The following OR2L13 variants were observed in gnomAD, a reference collection of about 807,000 sequenced individuals.
OR2L13 encodes olfactory receptor family 2 subfamily L member 13.
A neutral mutation model predicts 15.3 loss-of-function variants in OR2L13; 14 were observed. The observed-to-expected ratio is 0.91, with a 90% CI of 0.60 to 1.43. OR2L13 has a LOEUF of 1.43. Among genes scored for constraint, OR2L13 ranks in the 40% most tolerant of loss-of-function variants. The probability of loss-of-function intolerance (pLI) is 0.00; values close to 1 mark genes in which losing one functional copy is unlikely to be tolerated. For synonymous variants in OR2L13, 152 were observed against 142.9 expected (o/e 1.06, Z -0.45); for missense variants, 367 against 387.9 (o/e 0.95, Z 0.45).
chr1:247,948,734 G>A, the OR2L13 span: 3 of 720,386 alleles, frequency 4.2e-6, no homozygotes, highest in Non-Finnish European at 7.1e-6. Context: ...TTAGGGTTCA[G>A]TATCAACTGC....
At chr1:247,961,074 T>G in the OR2L13 span, among the ~76,000 whole-genome samples, 2 of 152,226 alleles carry the variant, frequency 1.3e-5, no homozygotes, top group African/African-American at 4.8e-5. Context: ...TTCGGCCATC[T>G]TGGCTCCACC....
chr1:247,966,396 A>T, the OR2L13 span: 1 of 1,500,326 alleles, frequency 6.7e-7, no homozygotes, highest in Non-Finnish European at 9.0e-7. Context: ...AGATATAAAT[A>T]TGTGTTTTCT....
the OR2L13 span, chr1:248,061,004 G>A: frequency 3.7e-6 from 6 of 1,614,034 alleles, no homozygotes; most frequent in East Asian, 1.1e-4. Context: ...GCATTAGGAG[G>A]TGCAGAAGCA....
chr1:248,008,054 C>T, the OR2L13 span, among the ~76,000 whole-genome samples: 5,663 of 152,190 alleles, frequency 0.037, 316 homozygotes, highest in African/African-American at 0.13. Flanking sequence ...CTGTCTTTTT[C>T]TGCATGCAGC....
chr1:247,982,830 T>A, the OR2L13 span, among the ~76,000 whole-genome samples: 1 of 152,098 alleles, frequency 6.6e-6, no homozygotes, highest in East Asian at 1.9e-4. Flanking sequence ...GATTTAAAAA[T>A]TTTTATTATT....
At chr1:248,078,602 C>T in the OR2L13 span, among the ~76,000 whole-genome samples, 4 of 152,050 alleles carry the variant, frequency 2.6e-5, no homozygotes. Context: ...GTTTTACAAC[C>T]GAATGTTCCT....
At chr1:247,990,493 T>C in the OR2L13 span, 5 of 1,575,646 alleles carry the variant, frequency 3.2e-6, no homozygotes, top group South Asian at 1.1e-5. Context: ...ATTTCCACCA[T>C]TGTTCCTAAG....
the OR2L13 span, among the ~76,000 whole-genome samples, chr1:248,032,952 C>T: frequency 1.3e-5 from 2 of 150,184 alleles, no homozygotes; most frequent in Non-Finnish European, 1.5e-5. Flanking sequence ...AATTTGACAA[C>T]TTTTTGTCTT....
the OR2L13 span, among the ~76,000 whole-genome samples, chr1:247,958,687 CA>C: frequency 1.3e-5 from 2 of 151,992 alleles, no homozygotes; most frequent in African/African-American, 4.8e-5. Flanking sequence ...ATCCCTTTAC[CA>C]TTATGTAATG....
the OR2L13 span, among the ~76,000 whole-genome samples, chr1:248,067,753 G>T: frequency 6.6e-6 from 1 of 152,220 alleles, no homozygotes; most frequent in Non-Finnish European, 1.5e-5. Context: ...GAAGAAAGGG[G>T]TGACAGACGG....
chr1:247,957,396 A>T, the OR2L13 span, among the ~76,000 whole-genome samples: 5 of 152,270 alleles, frequency 3.3e-5, no homozygotes, highest in African/African-American at 1.2e-4. Flanking sequence ...ATATTGGTCT[A>T]AAATTCTCTT....
the OR2L13 span, among the ~76,000 whole-genome samples, chr1:248,014,233 G>A: frequency 6.6e-6 from 1 of 151,986 alleles, no homozygotes; most frequent in African/African-American, 2.4e-5. Flanking sequence ...GAAATATGTA[G>A]AAACAACTAG....
chr1:248,038,945 C>T, the OR2L13 span: 5 of 1,614,140 alleles, frequency 3.1e-6, no homozygotes, highest in Non-Finnish European at 4.2e-6. Context: ...CTGTCTACCG[C>T]ATGCACTCTG....
chr1:247,949,105 A>C, the OR2L13 span: 54 of 1,613,712 alleles, frequency 3.3e-5, no homozygotes, highest in Non-Finnish European at 4.2e-5. Context: ...ATGGCATCTG[A>C]TTTTCTGCAT....
At chr1:248,061,137 G>A in the OR2L13 span, 13 of 1,613,408 alleles carry the variant, frequency 8.1e-6, no homozygotes, top group South Asian at 4.4e-5. Context: ...TCATAGGCTC[G>A]ATCAATGCTT....
chr1:248,061,284 C>T, the OR2L13 span: 83,407 of 1,569,424 alleles, frequency 0.053, 7,089 homozygotes, highest in East Asian at 0.23. Flanking sequence ...TGTTTTTGAG[C>T]ACCACCATCT....
the OR2L13 span, chr1:248,023,873 A>T: frequency 6.6e-6 from 1 of 152,200 alleles, no homozygotes; most frequent in Non-Finnish European, 1.5e-5. Context: ...ACAACTTTCC[A>T]TAATGTAACA....
the OR2L13 span, among the ~76,000 whole-genome samples, chr1:248,048,780 G>A: frequency 3.9e-5 from 6 of 152,176 alleles, no homozygotes; most frequent in South Asian, 1.2e-3. Flanking sequence ...AAGACAGGAA[G>A]TAAACCAGAT....
the OR2L13 span, among the ~76,000 whole-genome samples, chr1:247,984,905 C>G: frequency 6.6e-6 from 1 of 152,040 alleles, no homozygotes; most frequent in African/African-American, 2.4e-5. Context: ...TTCTGCTATC[C>G]CCTGGGTTCC....
Sources: gnomAD v4.1 joint callset for allele counts (sites outside exome capture counted in the v4.1 genomes callset) on GRCh38, gnomAD v4.1.1 for gene constraint, MANE v1.5 for transcripts, NCBI Gene and HGNC (gene_info 2026-07-23, HGNC 2026-07-21) for gene names.